IPO7: variants seen among roughly 807,000 people sequenced by gnomAD.
The protein encoded by IPO7 is importin 7.
In IPO7, 13 loss-of-function variants were observed where a neutral mutation model predicts 136.4. The observed-to-expected ratio is 0.10, with a 90% CI of 0.06 to 0.15. The LOEUF (loss-of-function observed/expected upper bound fraction) is 0.15. IPO7 is among the 10% of genes least tolerant of loss of function. The pLI, the probability that IPO7 is intolerant of heterozygous loss-of-function variation, is 1.00. For missense variants in IPO7, 857 were observed against 1,240.6 expected, an observed-to-expected ratio of 0.69 and a Z score of 4.65; for synonymous variants, 403 against 404.4, an observed-to-expected ratio of 1.00 and a Z score of 0.04.
chr11:9,409,213 A>G lies in IPO7; in HGVS notation c.320+574A>G, dbSNP rs923711453. Among the ~76,000 whole-genome samples, 26 of 151,658 alleles carry G rather than the reference A, an allele frequency of 1.7e-4. No homozygotes were observed. The East Asian group carries it at 2.2e-3, about 13-fold the overall frequency. ...AGCCTCTGACTCCTGGGATCAAGCA[A>G]TCCTCCTGCCTCAGTCTCCCGAGTA... On this transcript the variant is annotated intron_variant, in intron 3 of 24. Transcript: ENST00000379719.
At chr11:9,403,405 T>C (rs1854829360) in intron 2 of IPO7, 34 bp downstream of exon 2, 2 of 1,479,116 alleles carry the variant, frequency 1.4e-6, no homozygotes, top group East Asian at 2.3e-5. Context: ...GTGTATGTAA[T>C]CTATTGTTTA....
Position 9,438,077 on chromosome 11 carries a change from T to TTTTTTTTTG in IPO7, c.2490-3_2490-2insTTTTTTTTG. 1 of 1,201,298 alleles carries TTTTTTTTTG rather than the reference T, an allele frequency of 8.3e-7. No homozygotes were observed. Among genetic ancestry groups the TTTTTTTTTG allele is most frequent in the Non-Finnish European group, 1.2e-6 (1 of 866,684 alleles). 74.4% of individuals were successfully genotyped at this position (1,201,298 alleles called of 1,614,324 possible). On this transcript the variant is annotated splice_region_variant and splice_polypyrimidine_tract_variant and intron_variant, in intron 21 of 24. Coordinates refer to ENST00000379719, the MANE Select transcript of IPO7 (RefSeq NM_006391.3). ...TTTTTTTTTTTTTTTTTTTTTTTTT[T>TTTTTTTTTG]AGGCTTCATGACAGAAAGATGTGTG...
intron 4 of IPO7, among the ~76,000 whole-genome samples, chr11:9,412,889 AT>A (rs1163764184): frequency 2.4e-3 from 300 of 126,318 alleles, no homozygotes; most frequent in Middle Eastern, 4.2e-3. Context: ...TGATTGATTG[AT>A]TTTTTTTTTT....
chr11:9,408,393 G>T, intron 2 of IPO7, 93 bp from the exon 3 acceptor site: 1 of 675,468 alleles, frequency 1.5e-6, no homozygotes, highest in African/African-American at 1.9e-5. Context: ...ACAAACGGTA[G>T]TGTGAAAGAA....
chr11:9,384,680 G>C lies in IPO7; in HGVS notation c.-84G>C, dbSNP rs890993818. The C allele has an allele frequency of 8.7e-7, 1 of 1,148,134 alleles. No individual in the cohort carries two copies. Among genetic ancestry groups the C allele is most frequent in the Non-Finnish European group, 1.2e-6 (1 of 810,392 alleles). 71.1% of individuals were successfully genotyped at this position (1,148,134 alleles called of 1,614,324 possible). ...TTCGCGCCGGTTGCCGCTGCGGAGC[G>C]CGGCGGGTCCATGTGCGCAGTGAGT... On this transcript the variant is annotated 5_prime_UTR_variant, in exon 1 of 25. Coordinates refer to ENST00000379719, the MANE Select transcript of IPO7 (RefSeq NM_006391.3).
At position 9,445,344 on chromosome 11, in the gene IPO7, C is replaced by A; in HGVS notation, c.*150C>A. ...ACAACCCCAGGAGATGGGACCTGAT[C>A]ATGCAACCTGGCACTGGAAAAGAAA... On this transcript the variant is annotated 3_prime_UTR_variant, in exon 25 of 25. Coordinates refer to ENST00000379719, the MANE Select transcript of IPO7 (RefSeq NM_006391.3). 2.3e-5 allele frequency: 5 copies of A among 216,022 alleles called. No individual in the cohort carries two copies. Among genetic ancestry groups the A allele is most frequent in the South Asian group, 1.4e-4 (2 of 14,526 alleles). The allele number at this position is 216,022 out of a possible 1,614,324, so 13.4% of individuals were successfully genotyped here.
In IPO7 at chr11:9,438,904, A is replaced by G. The variant is rs184166663; in HGVS notation, c.2695+619A>G. Among the ~76,000 whole-genome samples the G allele has an allele frequency of 7.5e-4, 114 of 151,530 alleles. 1 individual carries two copies. The highest frequency in any genetic ancestry group is 2.6e-3 in the African/African-American group (108 of 41,410). ...AAAGTTTTCTATCCGACTGTGGGAA[A>G]GTATTACAAAGCCAAATAATTATGT... On this transcript the variant is annotated intron_variant, in intron 22 of 24. Coordinates refer to ENST00000379719, the MANE Select transcript of IPO7 (RefSeq NM_006391.3).
chr11:9,414,569 G>GTCTA, intron 5 of IPO7, 158 bp downstream of exon 5: 1 of 252,780 alleles, frequency 4.0e-6, no homozygotes, highest in Non-Finnish European at 7.6e-6. Context: ...AAAATTATAA[G>GTCTA]TCTAAACAAG....
At chr11:9,386,180 A>T (rs1854549855) in intron 1 of IPO7, among the ~76,000 whole-genome samples, 1 of 152,228 alleles carries the variant, frequency 6.6e-6, no homozygotes, top group African/African-American at 2.4e-5. Context: ...AGTTTACACA[A>T]ATTAAATGTA....
At chr11:9,406,770 A>G (rs977768206) in intron 2 of IPO7, among the ~76,000 whole-genome samples, 4 of 152,126 alleles carry the variant, frequency 2.6e-5, no homozygotes, top group Non-Finnish European at 4.4e-5. Flanking sequence ...GCTACTCAGG[A>G]GGCTGAGGCA....
chr11:9,386,991 C>A lies in IPO7; in HGVS notation c.84+2144C>A, dbSNP rs140216160. Among the ~76,000 whole-genome samples the A allele has an allele frequency of 3.7e-3, 567 of 152,284 alleles. 2 individuals carry two copies. Among genetic ancestry groups the A allele is most frequent in the Non-Finnish European group, 5.9e-3 (400 of 68,028 alleles). On this transcript the variant is annotated intron_variant, in intron 1 of 24. Transcript: ENST00000379719. Reference sequence around the variant, plus strand: ...ACTTTCATTCCATTTTAATACACTACTTCTCCCTCTCCCTTCTTCCATTTA... The same window carrying A: ...ACTTTCATTCCATTTTAATACACTAATTCTCCCTCTCCCTTCTTCCATTTA...
chr11:9,433,489 G>GTA, intron 16 of IPO7, 81 bp from the exon 17 acceptor site: 2 of 869,890 alleles, frequency 2.3e-6, no homozygotes, highest in South Asian at 2.9e-5. Flanking sequence ...ATATTTAAGT[G>GTA]TACTGAATTA....
chr11:9,424,893 A>C, intron 10 of IPO7, 21 bp from the exon 11 acceptor site: 2 of 1,466,492 alleles, frequency 1.4e-6, no homozygotes, highest in Non-Finnish European at 1.9e-6. Flanking sequence ...TTATTGTCTT[A>C]ATTTTAAACT....
At chr11:9,416,910 T>C (rs571208038) in intron 5 of IPO7, 149 bp from the exon 6 acceptor site, 2 of 453,754 alleles carry the variant, frequency 4.4e-6, no homozygotes, top group South Asian at 7.8e-5. Context: ...TTTACCATTA[T>C]AGATAACAAG....
chr11:9,441,367 GT>G (rs1204093734), intron 23 of IPO7, among the ~76,000 whole-genome samples: 3 of 152,114 alleles, frequency 2.0e-5, no homozygotes, highest in Non-Finnish European at 4.4e-5. Context: ...TAGCATTTGT[GT>G]TTTACCATCC....
chr11:9,397,341 A>AAAAAAAAAAAAAAAATAT lies in IPO7; in HGVS notation c.85-5948_85-5947insAAAAAAAAAAAAAATATA. ...CTTTACTAAAAATAATTTAAAAAAA[A>AAAAAAAAAAAAAAAATAT]ATATATATATATATATATATATATT... On this transcript the variant is annotated intron_variant, in intron 1 of 24. Transcript: ENST00000379719. Among the ~76,000 whole-genome samples, 21 of 10,762 alleles carry AAAAAAAAAAAAAAAATAT rather than the reference A, an allele frequency of 2.0e-3. 1 individual carries two copies. Among genetic ancestry groups the AAAAAAAAAAAAAAAATAT allele is most frequent in the Non-Finnish European group, 2.4e-3 (13 of 5,462 alleles). The allele number at this position is 10,762 out of a possible 152,430, so 7.1% of individuals were successfully genotyped here.
intron 24 of IPO7, among the ~76,000 whole-genome samples, chr11:9,443,591 C>CAA (rs55819044): frequency 3.5e-4 from 24 of 69,478 alleles, no homozygotes; most frequent in African/African-American, 6.2e-4. Flanking sequence ...AACTCCGTCT[C>CAA]AAAAAAAAAA....
chr11:9,410,766 T>G (rs1043385296), intron 4 of IPO7, among the ~76,000 whole-genome samples: 1 of 152,120 alleles, frequency 6.6e-6, no homozygotes, highest in Non-Finnish European at 1.5e-5. Context: ...GTTTTTTAAG[T>G]CTATAGTTGA....
At chr11:9,440,429 A>G in intron 22 of IPO7, 26 bp from the exon 23 acceptor site, 2 of 1,557,542 alleles carry the variant, frequency 1.3e-6, no homozygotes, top group Non-Finnish European at 1.8e-6. Context: ...CATTGTTATA[A>G]AAGTACTTAT....
Sources: gnomAD v4.1 joint callset for allele counts (sites outside exome capture counted in the v4.1 genomes callset) on GRCh38, gnomAD v4.1.1 for gene constraint, MANE v1.5 for transcripts, NCBI Gene and HGNC (gene_info 2026-07-23, HGNC 2026-07-21) for gene names.